ARHGAP26: variants seen among roughly 807,000 people sequenced by gnomAD.
ARHGAP26 encodes the protein rho GTPase-activating protein 26.
In ARHGAP26, 38 loss-of-function variants were observed where a neutral mutation model predicts 104.8. The ratio of observed to expected loss-of-function variants is 0.36; its 90% CI spans 0.28 to 0.48. The LOEUF (loss-of-function observed/expected upper bound fraction) is 0.48. ARHGAP26 is among the 20% of genes least tolerant of loss of function. The pLI is 0.99. For missense variants in ARHGAP26, 704 were observed against 947.9 expected (o/e 0.74, Z 3.38); for synonymous variants, 341 against 340.0 (o/e 1.00, Z -0.03).
chr5:143,151,729 G>A (rs1053592388), intron 20 of ARHGAP26, among the ~76,000 whole-genome samples: 6 of 152,178 alleles, frequency 3.9e-5, no homozygotes, highest in African/African-American at 1.4e-4. Flanking sequence ...GCCAAGGCAG[G>A]CAGATCGCTT....
intron 11 of ARHGAP26, among the ~76,000 whole-genome samples, chr5:142,965,342 G>A (rs1180297977): frequency 6.6e-6 from 1 of 152,206 alleles, no homozygotes; most frequent in Admixed American, 6.5e-5. Flanking sequence ...CAGGGAAAAG[G>A]AGACTCCCTT....
At chr5:143,050,880 ACCT>A (rs963605987) in intron 14 of ARHGAP26, among the ~76,000 whole-genome samples, 1 of 152,190 alleles carries the variant, frequency 6.6e-6, no homozygotes, top group East Asian at 1.9e-4. Context: ...ATGGAAGCTC[ACCT>A]CCTCTGCTCC....
chr5:142,817,868 C>G (rs141681559), intron 1 of ARHGAP26, among the ~76,000 whole-genome samples: 3 of 152,306 alleles, frequency 2.0e-5, no homozygotes, highest in African/African-American at 7.2e-5. Context: ...AATTCCTGGA[C>G]AGAACCTGAA....
chr5:142,775,374 A>T (rs1020076171), intron 1 of ARHGAP26, among the ~76,000 whole-genome samples: 1 of 152,152 alleles, frequency 6.6e-6, no homozygotes, highest in Non-Finnish European at 1.5e-5. Context: ...GCATCTTTTC[A>T]TATTGCTTTC....
chr5:143,091,840 C>T (rs192105179), intron 17 of ARHGAP26, among the ~76,000 whole-genome samples: 120 of 152,308 alleles, frequency 7.9e-4, no homozygotes, highest in African/African-American at 2.5e-3. Context: ...TGTTTACACA[C>T]GGAATTTCCT....
chr5:142,986,577 C>G (rs1366664034), intron 11 of ARHGAP26, among the ~76,000 whole-genome samples: 2 of 152,282 alleles, frequency 1.3e-5, no homozygotes, highest in Non-Finnish European at 2.9e-5. Flanking sequence ...GAAATCCTTG[C>G]CCATGCCTAT....
chr5:142,893,095 C>G (rs1298686879), intron 5 of ARHGAP26, among the ~76,000 whole-genome samples: 2 of 150,788 alleles, frequency 1.3e-5, no homozygotes, highest in Non-Finnish European at 2.9e-5. Flanking sequence ...AGTGATTCTC[C>G]TGCCTCAACC....
At chr5:142,982,746 A>G (rs1774125355) in intron 11 of ARHGAP26, among the ~76,000 whole-genome samples, 1 of 152,236 alleles carries the variant, frequency 6.6e-6, no homozygotes, top group African/African-American at 2.4e-5. Context: ...TAGTCAGACT[A>G]GCTCCAAATC....
intron 12 of ARHGAP26, among the ~76,000 whole-genome samples, chr5:143,019,067 A>G (rs1042782837): frequency 6.6e-6 from 1 of 152,190 alleles, no homozygotes; most frequent in Non-Finnish European, 1.5e-5. Context: ...CCTAAATACT[A>G]AATTTAAAAA....
chr5:143,179,463 G>C (rs536209706), intron 20 of ARHGAP26, among the ~76,000 whole-genome samples: 1 of 152,332 alleles, frequency 6.6e-6, no homozygotes, highest in South Asian at 2.1e-4. Flanking sequence ...TGCTCTGCTG[G>C]CTGTGATCAC....
At chr5:142,869,308 G>A (rs565071238) in intron 1 of ARHGAP26, among the ~76,000 whole-genome samples, 139 of 150,568 alleles carry the variant, frequency 9.2e-4, no homozygotes, top group Non-Finnish European at 1.7e-3. Flanking sequence ...CCGGGTTCAC[G>A]CGATTCTCCT....
chr5:142,898,567 G>A (rs558711354), intron 6 of ARHGAP26, among the ~76,000 whole-genome samples: 20 of 152,104 alleles, frequency 1.3e-4, no homozygotes, highest in Admixed American at 2.6e-4. Context: ...GGGCCTCCCC[G>A]TTCTCCAGTC....
At chr5:143,221,271 G>GA (rs1394608510) in intron 22 of ARHGAP26, among the ~76,000 whole-genome samples, 1 of 152,054 alleles carries the variant, frequency 6.6e-6, no homozygotes, top group Non-Finnish European at 1.5e-5. Flanking sequence ...TTTGGATACT[G>GA]AAAAATCAAA....
chr5:143,184,089 A>G (rs1324522659), intron 20 of ARHGAP26, among the ~76,000 whole-genome samples: 3 of 152,218 alleles, frequency 2.0e-5, no homozygotes, highest in Non-Finnish European at 4.4e-5. Flanking sequence ...AAAGCAGTGT[A>G]TGTGTGCAAA....
intron 17 of ARHGAP26, among the ~76,000 whole-genome samples, chr5:143,090,553 G>A (rs1375471598): frequency 3.9e-5 from 6 of 152,152 alleles, no homozygotes; most frequent in East Asian, 1.9e-4. Flanking sequence ...TCAAAGAAAC[G>A]CATTTCAAAT....
intron 17 of ARHGAP26, among the ~76,000 whole-genome samples, chr5:143,097,708 G>A (rs1465693961): frequency 6.6e-6 from 1 of 151,552 alleles, no homozygotes; most frequent in Admixed American, 6.6e-5. Context: ...TTTAGTCCCA[G>A]CTACTCGGGA....
chr5:143,125,125 A>G (rs1796574279), intron 18 of ARHGAP26, among the ~76,000 whole-genome samples: 1 of 152,206 alleles, frequency 6.6e-6, no homozygotes, highest in Admixed American at 6.5e-5. Flanking sequence ...AAGGAAAGAG[A>G]AGTGGGTAAT....
chr5:142,782,765 A>G (rs1350973032), intron 1 of ARHGAP26, among the ~76,000 whole-genome samples: 1 of 152,176 alleles, frequency 6.6e-6, no homozygotes, highest in Admixed American at 6.5e-5. Flanking sequence ...TATACCTTAC[A>G]ATATTATTGT....
chr5:143,132,619 T>A (rs561882241), intron 18 of ARHGAP26, among the ~76,000 whole-genome samples: 12 of 152,214 alleles, frequency 7.9e-5, no homozygotes, highest in Non-Finnish European at 1.5e-4. Context: ...ATTTCAATGA[T>A]GAAAAGTGTG....
Sources: gnomAD v4.1 joint callset for allele counts (sites outside exome capture counted in the v4.1 genomes callset) on GRCh38, gnomAD v4.1.1 for gene constraint, MANE v1.5 for transcripts, NCBI Gene and HGNC (gene_info 2026-07-23, HGNC 2026-07-21) for gene names.